Variants in RBFOX1 observed in about 807,000 individuals in gnomAD.
RBFOX1 encodes the protein RNA binding fox-1 homolog 1.
RBFOX1 carries 8 observed loss-of-function variants against 57.7 expected under a neutral mutation model. The observed-to-expected ratio is 0.14, with a 90% CI of 0.08 to 0.25. The LOEUF is 0.25. Ranked by LOEUF, RBFOX1 falls within the 10% of genes least tolerant of loss-of-function variation. The pLI, the probability that RBFOX1 is intolerant of heterozygous loss-of-function variation, is 1.00. For missense variants in RBFOX1, 611 were observed against 548.5 expected, an observed-to-expected ratio of 1.11 and a Z score of -1.14; for synonymous variants, 326 against 222.4, an observed-to-expected ratio of 1.47 and a Z score of -4.15.
intron 2 of RBFOX1, chr16:5,598,852 C>T (rs578046327): frequency 2.1e-6 from 3 of 1,397,446 alleles, no homozygotes; most frequent in Non-Finnish European, 2.8e-6. Flanking sequence ...AATTTTTTTC[C>T]TCAACCCGGC....
At chr16:5,552,948 C>T (rs574436594) in intron 2 of RBFOX1, among the ~76,000 whole-genome samples, 2 of 151,974 alleles carry the variant, frequency 1.3e-5, no homozygotes, top group African/African-American at 4.8e-5. Context: ...GAATACTATG[C>T]AGCCATAAAA....
intron 3 of RBFOX1, among the ~76,000 whole-genome samples, chr16:6,924,065 G>A (rs2075055784): frequency 6.6e-6 from 1 of 151,828 alleles, no homozygotes; most frequent in Non-Finnish European, 1.5e-5. Flanking sequence ...AGCTTCTCGG[G>A]AGACTGAGGC....
chr16:6,810,694 A>G (rs1244085227), intron 3 of RBFOX1, among the ~76,000 whole-genome samples: 1 of 152,174 alleles, frequency 6.6e-6, no homozygotes, highest in Non-Finnish European at 1.5e-5. Context: ...GAAACGTACA[A>G]TCACGGTGGA....
intron 1 of RBFOX1, among the ~76,000 whole-genome samples, chr16:6,256,171 G>A (rs7186337): frequency 0.027 from 207 of 7,608 alleles, 26 homozygotes; most frequent in Non-Finnish European, 0.053. Flanking sequence ...ATATATATAT[G>A]TATATATATA....
At chr16:5,723,852 C>A (rs1329328244) in intron 3 of RBFOX1, among the ~76,000 whole-genome samples, 1 of 152,206 alleles carries the variant, frequency 6.6e-6, no homozygotes, top group Non-Finnish European at 1.5e-5. Flanking sequence ...GGACCTTGCA[C>A]CATTGTTTTC....
chr16:5,274,109 G>A (rs1285733801), intron 1 of RBFOX1, among the ~76,000 whole-genome samples: 1 of 152,186 alleles, frequency 6.6e-6, no homozygotes. Flanking sequence ...ATTTTCTACT[G>A]GATGCAGACA....
At chr16:5,685,966 G>C (rs868713148) in intron 3 of RBFOX1, among the ~76,000 whole-genome samples, 1 of 152,222 alleles carries the variant, frequency 6.6e-6, no homozygotes, top group Admixed American at 6.5e-5. Flanking sequence ...CATGAATGAA[G>C]CAAAGGTGGT....
chr16:5,690,348 C>G (rs1179550868), intron 3 of RBFOX1, among the ~76,000 whole-genome samples: 1 of 152,180 alleles, frequency 6.6e-6, no homozygotes, highest in Non-Finnish European at 1.5e-5. Flanking sequence ...TCCCAAAAGC[C>G]AGTGATGACC....
At chr16:7,107,251 C>T (rs1379746191) in intron 4 of RBFOX1, among the ~76,000 whole-genome samples, 1 of 152,090 alleles carries the variant, frequency 6.6e-6, no homozygotes, top group Non-Finnish European at 1.5e-5. Flanking sequence ...GATCAGCACA[C>T]TGTGAGCTGG....
chr16:5,641,689 TG>T (rs917577004), intron 3 of RBFOX1, among the ~76,000 whole-genome samples: 31 of 152,318 alleles, frequency 2.0e-4, no homozygotes, highest in African/African-American at 7.2e-4. Context: ...GGCAAAGGCC[TG>T]GAGGCGGGGG....
chr16:6,956,102 G>C (rs2081776096), intron 3 of RBFOX1, among the ~76,000 whole-genome samples: 2 of 152,102 alleles, frequency 1.3e-5, no homozygotes. Context: ...GCTTATCTGA[G>C]TGAGGGCCAC....
At chr16:5,293,461 G>C (rs2151179954) in intron 1 of RBFOX1, among the ~76,000 whole-genome samples, 1 of 152,158 alleles carries the variant, frequency 6.6e-6, no homozygotes, top group African/African-American at 2.4e-5. Flanking sequence ...CTTGTCAGTG[G>C]GTCTCAACCT....
chr16:5,597,776 G>C (rs1401043068), intron 2 of RBFOX1, among the ~76,000 whole-genome samples: 1 of 152,112 alleles, frequency 6.6e-6, no homozygotes, highest in Non-Finnish European at 1.5e-5. Flanking sequence ...TGTACCTCGT[G>C]GAAAGGTGGA....
At chr16:6,502,460 C>T (rs918228859) in intron 2 of RBFOX1, among the ~76,000 whole-genome samples, 2 of 152,154 alleles carry the variant, frequency 1.3e-5, no homozygotes, top group African/African-American at 4.8e-5. Flanking sequence ...TCTCAGTTTG[C>T]TCATCTGTAA....
chr16:6,227,364 A>T (rs2097425741), intron 1 of RBFOX1, among the ~76,000 whole-genome samples: 2 of 152,132 alleles, frequency 1.3e-5, no homozygotes, highest in Non-Finnish European at 2.9e-5. Flanking sequence ...ACATTTTCAG[A>T]AAGAGTGTTT....
chr16:5,943,736 C>T (rs1427587098), intron 4 of RBFOX1, among the ~76,000 whole-genome samples: 2 of 152,196 alleles, frequency 1.3e-5, no homozygotes, highest in African/African-American at 4.8e-5. Context: ...GCCAAGTAAA[C>T]TACAAGTAGT....
intron 1 of RBFOX1, among the ~76,000 whole-genome samples, chr16:5,377,972 T>C (rs2066030208): frequency 6.6e-6 from 1 of 151,544 alleles, no homozygotes; most frequent in African/African-American, 2.4e-5. Context: ...CTTTCTTTTA[T>C]TTTTTTAAAG....
chr16:6,917,824 G>T (rs1440321755), intron 3 of RBFOX1, among the ~76,000 whole-genome samples: 6 of 152,268 alleles, frequency 3.9e-5, no homozygotes, highest in African/African-American at 9.6e-5. Flanking sequence ...AGAGAACAGG[G>T]CCCTGGGGGA....
At chr16:6,517,680 C>G (rs1308653239) in intron 2 of RBFOX1, among the ~76,000 whole-genome samples, 2 of 152,172 alleles carry the variant, frequency 1.3e-5, no homozygotes, top group African/African-American at 2.4e-5. Context: ...GGCCTCTTTC[C>G]TATTGTCTCT....
Sources: gnomAD v4.1 joint callset for allele counts (sites outside exome capture counted in the v4.1 genomes callset) on GRCh38, gnomAD v4.1.1 for gene constraint, MANE v1.5 for transcripts, NCBI Gene and HGNC (gene_info 2026-07-23, HGNC 2026-07-21) for gene names.